MICAL2: variants seen among roughly 807,000 people sequenced by gnomAD.
The protein encoded by MICAL2 is [F-actin]-monooxygenase MICAL2.
A neutral mutation model predicts 127.3 loss-of-function variants in MICAL2; 77 were observed. The observed-to-expected ratio is 0.60, with a 90% CI of 0.50 to 0.73. The LOEUF (loss-of-function observed/expected upper bound fraction) is 0.73. Among genes scored for constraint, MICAL2 ranks in the 30% least tolerant of loss-of-function variants. The pLI is 0.00. For missense variants in MICAL2, 1,351 were observed against 1,434.4 expected (o/e 0.94, Z 0.94); for synonymous variants, 570 against 551.1 (o/e 1.03, Z -0.48).
chr11:12,311,120 C>T (rs1457433301), intron 29 of MICAL2, among the ~76,000 whole-genome samples: 3 of 152,100 alleles, frequency 2.0e-5, no homozygotes, highest in African/African-American at 4.8e-5. Flanking sequence ...AAAATCATGT[C>T]ATCTGCAAAT....
In MICAL2 at chr11:12,255,660, G is replaced by T. The variant is rs967587248; in HGVS notation, c.2865G>T (p.Val955=). ...TVHPQLTVGK[V]SSGIGAAAEV... The stretch of plus-strand genomic sequence containing the variant: ...TTGGTTAGCTGACGGTAGGGAAAGT[G>T]TCCAGCGGAATAGGGGCTGCAGCTG... Residue 955 remains valine (V), a synonymous_variant, in exon 23 of 28, where the codon GTG becomes GTT. Transcript: ENST00000683283. 6.2e-7 allele frequency: 1 copy of T among 1,614,096 alleles called. No homozygotes were observed. The highest frequency in any genetic ancestry group is 1.7e-5 in the Admixed American group (1 of 60,018).
intron 2 of MICAL2, among the ~76,000 whole-genome samples, chr11:12,157,762 C>T (rs1285673697): frequency 6.6e-6 from 1 of 152,090 alleles, no homozygotes; most frequent in Non-Finnish European, 1.5e-5. Flanking sequence ...AAAGGTTTTG[C>T]ACTCCAGTTC....
intron 3 of MICAL2, among the ~76,000 whole-genome samples, chr11:12,196,399 C>T (rs1859930321): frequency 6.6e-6 from 1 of 151,960 alleles, no homozygotes; most frequent in South Asian, 2.1e-4. Context: ...GGCTGGATTC[C>T]GTGGGATATT....
intron 25 of MICAL2, among the ~76,000 whole-genome samples, chr11:12,259,262 A>G (rs921847749): frequency 1.5e-4 from 23 of 152,200 alleles, no homozygotes; most frequent in African/African-American, 5.5e-4. Flanking sequence ...ATGTGAATGT[A>G]TTTTAACCAA....
chr11:12,145,694 C>T (rs1852825039), intron 2 of MICAL2, among the ~76,000 whole-genome samples: 1 of 152,208 alleles, frequency 6.6e-6, no homozygotes, highest in African/African-American at 2.4e-5. Context: ...TTAGTTATTT[C>T]TGACTCAGGC....
intron 2 of MICAL2, among the ~76,000 whole-genome samples, chr11:12,281,337 A>C (rs11604617): frequency 0.3 from 46,299 of 152,012 alleles, 8,099 homozygotes; most frequent in East Asian, 0.7. Flanking sequence ...CATCACGGGG[A>C]CTGGCTGGCT....
intron 15 of MICAL2, among the ~76,000 whole-genome samples, chr11:12,230,212 G>A (rs1474522632): frequency 2.0e-5 from 3 of 152,168 alleles, no homozygotes; most frequent in Non-Finnish European, 4.4e-5. Context: ...GAACCGAATG[G>A]CAATGCTCTT....
chr11:12,226,420 CCT>C, intron 14 of MICAL2, 50 bp downstream of exon 14: 1 of 1,568,986 alleles, frequency 6.4e-7, no homozygotes, highest in Non-Finnish European at 8.7e-7. Context: ...CAACTCTGTC[CCT>C]GTCTCTGAGT....
chr11:12,330,805 C>CAGAGACAG (rs1864408368), intron 32 of MICAL2, among the ~76,000 whole-genome samples: 1 of 42,926 alleles, frequency 2.3e-5, no homozygotes, highest in Non-Finnish European at 9.3e-5. Flanking sequence ...GAGAGAGAGA[C>CAGAGACAG]AGAGAGAGAG....
At chr11:12,333,479 T>C (rs1231757450) in intron 32 of MICAL2, among the ~76,000 whole-genome samples, 2 of 152,154 alleles carry the variant, frequency 1.3e-5, no homozygotes. Flanking sequence ...AATAAAATAA[T>C]GTTGCCTACT....
At position 12,131,247 on chromosome 11, in the gene MICAL2, T is replaced by C. The variant is rs1388401152; in HGVS notation, c.-148-7143T>C. ...GGCGGAGCTTGCAGTGAGCCGAGATTGCGCCACTGCAGTCCACAGTCCGGC... is the reference window on the plus strand; with the variant it reads ...GGCGGAGCTTGCAGTGAGCCGAGATCGCGCCACTGCAGTCCACAGTCCGGC... On this transcript the variant is annotated intron_variant, in intron 1 of 27. Transcript: ENST00000683283. Among the ~76,000 whole-genome samples, 2 of 112,442 alleles carry C rather than the reference T, an allele frequency of 1.8e-5. 1 individual carries two copies. 73.8% of individuals were successfully genotyped at this position (112,442 alleles called of 152,430 possible).
At chr11:12,200,324 T>C (rs1366488765) in intron 3 of MICAL2, among the ~76,000 whole-genome samples, 1 of 152,182 alleles carries the variant, frequency 6.6e-6, no homozygotes, top group Non-Finnish European at 1.5e-5. Context: ...CCTAGCTGGG[T>C]CTGAGGAAAG....
At chr11:12,197,287 C>T (rs957499814) in intron 3 of MICAL2, among the ~76,000 whole-genome samples, 1 of 152,204 alleles carries the variant, frequency 6.6e-6, no homozygotes, top group Non-Finnish European at 1.5e-5. Flanking sequence ...AGTCATTTAA[C>T]CTTCCTGAGC....
chr11:12,257,713 T>C (rs7116182), intron 24 of MICAL2, among the ~76,000 whole-genome samples: 17,497 of 152,208 alleles, frequency 0.11, 1,424 homozygotes, highest in East Asian at 0.27. Context: ...TGATGACTGA[T>C]GAGTTAATTC....
chr11:12,112,426 C>T (rs1849680025), intron 1 of MICAL2, among the ~76,000 whole-genome samples: 2 of 152,036 alleles, frequency 1.3e-5, no homozygotes, highest in South Asian at 4.1e-4. Flanking sequence ...TGGAAGGAAG[C>T]CTGCTTCTAC....
chr11:12,247,791 A>T (rs182890493), intron 21 of MICAL2, among the ~76,000 whole-genome samples: 199 of 152,304 alleles, frequency 1.3e-3, no homozygotes, highest in African/African-American at 4.6e-3. Context: ...TGATAAACAG[A>T]TTTATTCTAT....
chr11:12,143,945 AAG>A (rs137892591), intron 2 of MICAL2, among the ~76,000 whole-genome samples: 7 of 150,132 alleles, frequency 4.7e-5, no homozygotes, highest in Admixed American at 6.6e-5. Context: ...GAGAGAGGGA[AAG>A]AGAGAGAGAG....
exon 31 of MICAL2, chr11:12,324,035 A>G: frequency 1.9e-6 from 3 of 1,613,424 alleles, no homozygotes; most frequent in Non-Finnish European, 2.5e-6. Context: ...GCAGTTGGTT[A>G]AGCAAGAAGA....
At position 12,209,806 on chromosome 11, in the gene MICAL2, C is replaced by G. The variant is rs79590673; in HGVS notation, c.691+208C>G. 5.4e-3 allele frequency among the ~76,000 whole-genome samples: 829 copies of G among 152,256 alleles called. 21 individuals are homozygous for G. In the East Asian group the frequency reaches 0.069, roughly 13 times the overall value. ...TCAGGGGACAGCCATCTCATTCCGTCTGAACCTCAGTTTTCTCAGCTGTAA... is the reference window on the plus strand; with the variant it reads ...TCAGGGGACAGCCATCTCATTCCGTGTGAACCTCAGTTTTCTCAGCTGTAA... On this transcript the variant is annotated intron_variant, in intron 6 of 27. Coordinates refer to ENST00000683283, the MANE Select transcript of MICAL2 (RefSeq NM_001282663.2).
Sources: gnomAD v4.1 joint callset for allele counts (sites outside exome capture counted in the v4.1 genomes callset) on GRCh38, gnomAD v4.1.1 for gene constraint, MANE v1.5 for transcripts, NCBI Gene and HGNC (gene_info 2026-07-23, HGNC 2026-07-21) for gene names.